EPDR1: variants seen among roughly 807,000 people sequenced by gnomAD.
The protein encoded by EPDR1 is ependymin related 1, also known as mammalian ependymin-related protein 1.
A neutral mutation model predicts 23.7 loss-of-function variants in EPDR1; 27 were observed. The ratio of observed to expected loss-of-function variants is 1.14; its 90% CI spans 0.84 to 1.57. The LOEUF is 1.57. Ranked by LOEUF, EPDR1 falls within the 40% of genes most tolerant of loss-of-function variation. The probability of loss-of-function intolerance (pLI) is 0.00; values close to 1 mark genes in which losing one functional copy is unlikely to be tolerated. For synonymous variants in EPDR1, 137 were observed against 118.2 expected (o/e 1.16, Z -1.03); for missense variants, 349 against 290.4 (o/e 1.20, Z -1.47).
chr7:37,941,927 G>A (rs1786178172), intron 1 of EPDR1, among the ~76,000 whole-genome samples: 1 of 152,098 alleles, frequency 6.6e-6, no homozygotes, highest in Admixed American at 6.5e-5. Context: ...GTAGAGAATT[G>A]TTGAGCCTAG....
intron 1 of EPDR1, among the ~76,000 whole-genome samples, chr7:37,928,060 G>A (rs545413464): frequency 5.8e-4 from 88 of 152,320 alleles, no homozygotes; most frequent in African/African-American, 2.0e-3. Flanking sequence ...GATGGGGAGG[G>A]AGAAGCAGGC....
intron 1 of EPDR1, among the ~76,000 whole-genome samples, chr7:37,938,862 A>G (rs1786111134): frequency 6.6e-6 from 1 of 152,184 alleles, no homozygotes; most frequent in African/African-American, 2.4e-5. Context: ...GAAATTTTTC[A>G]TTCAGAATTG....
At position 37,948,955 on chromosome 7, in the gene EPDR1, CA is replaced by C. The variant is rs1383887604; in HGVS notation, c.389del (p.Asn130ThrfsTer52). On this transcript the variant is annotated frameshift_variant, in exon 2 of 3. Transcript: ENST00000199448. LOFTEE classifies it high-confidence loss of function. ...GCCCTGGGATCCTCTTGACATTCCTCAAAACTCCACCTTTGAAGACCAGTAC... is the reference window on the plus strand; with the variant it reads ...GCCCTGGGATCCTCTTGACATTCCTCAAACTCCACCTTTGAAGACCAGTAC... ...TQPWDPLDIPQNSTFEDQYSI... is the reference protein window; with the variant it reads ...TQPWDPLDIPXNSTFEDQYSI... 6.2e-7 allele frequency: 1 copy of C among 1,614,156 alleles called. No individual in the cohort carries two copies. The highest frequency in any genetic ancestry group is 8.5e-7 in the Non-Finnish European group (1 of 1,180,004).
At position 37,921,018 on chromosome 7, in the gene EPDR1, C is replaced by G. The variant is rs987482671; in HGVS notation, c.79C>G (p.Leu27Val). ...GCTGGGCGGCCTCTGGGCCTGGACC[C>G]TGTGCGGCCTGTGCAGCCTGGGGGC... ...WLLGGLWAWT[L>V]CGLCSLGAVG... Residue 27 changes from leucine to valine, a missense_variant, in exon 1 of 3, where the codon CTG (leucine) becomes GTG (valine). Physicochemically the swap from Leu to Val is conservative, Grantham distance 32. Coordinates refer to ENST00000199448, the MANE Select transcript of EPDR1 (RefSeq NM_017549.5). 3.3e-6 allele frequency: 5 copies of G among 1,520,950 alleles called. No individual in the cohort carries two copies. In the African/African-American group the frequency reaches 6.9e-5, roughly 21 times the overall value. The allele number at this position is 1,520,950 out of a possible 1,614,324, so 94.2% of individuals were successfully genotyped here.
At chr7:37,944,582 C>T (rs546823813) in intron 1 of EPDR1, among the ~76,000 whole-genome samples, 7 of 152,280 alleles carry the variant, frequency 4.6e-5, no homozygotes, top group East Asian at 1.9e-4. Context: ...GGACTTCTTA[C>T]GTGGTGGCAG....
At chr7:37,922,940 G>C (rs1432521282) in intron 1 of EPDR1, among the ~76,000 whole-genome samples, 1 of 152,202 alleles carries the variant, frequency 6.6e-6, no homozygotes, top group Non-Finnish European at 1.5e-5. Flanking sequence ...CACCTGTACA[G>C]GTTTTCCAGG....
intron 1 of EPDR1, among the ~76,000 whole-genome samples, chr7:37,931,135 T>C (rs1460278835): frequency 2.0e-5 from 3 of 152,240 alleles, no homozygotes; most frequent in Middle Eastern, 3.2e-3. Flanking sequence ...TATTGCCATT[T>C]AAATAATGAT....
In EPDR1 at chr7:37,949,061, A is replaced by G. The variant is rs755188435; in HGVS notation, c.478+13A>G. On this transcript the variant is annotated intron_variant, in intron 2 of 2. Transcript: ENST00000199448. Reference sequence around the variant, plus strand: ...TCAGCTAGATCCTGTAAGGGTTCAAAGAATCTAAGCATTGTATTCAGCATG... The same window carrying G: ...TCAGCTAGATCCTGTAAGGGTTCAAGGAATCTAAGCATTGTATTCAGCATG... 1 of 1,612,396 alleles carries G rather than the reference A, an allele frequency of 6.2e-7. No homozygotes were observed. The highest frequency in any genetic ancestry group is 8.5e-7 in the Non-Finnish European group (1 of 1,178,390).
At chr7:37,948,550 G>A (rs1223383437) in intron 1 of EPDR1, among the ~76,000 whole-genome samples, 1 of 151,868 alleles carries the variant, frequency 6.6e-6, no homozygotes, top group Non-Finnish European at 1.5e-5. Flanking sequence ...GTCTCACTAT[G>A]TTGCCCAGGC....
intron 1 of EPDR1, among the ~76,000 whole-genome samples, chr7:37,935,539 T>C (rs1264761373): frequency 6.6e-6 from 1 of 152,168 alleles, no homozygotes; most frequent in Non-Finnish European, 1.5e-5. Context: ...TCTCTCCATA[T>C]GAGAAGTAGA....
intron 1 of EPDR1, 106 bp downstream of exon 1, chr7:37,921,314 T>C: frequency 7.0e-7 from 1 of 1,437,404 alleles, no homozygotes; most frequent in Non-Finnish European, 9.1e-7. Context: ...CCCTTGCAGC[T>C]CCTCCCTTCT....
chr7:37,945,070 G>A (rs1786246457), intron 1 of EPDR1, among the ~76,000 whole-genome samples: 1 of 152,178 alleles, frequency 6.6e-6, no homozygotes, highest in South Asian at 2.1e-4. Flanking sequence ...CACAGGACAG[G>A]ATTTGTGTAT....
Position 37,946,481 on chromosome 7 carries a change from A to C in EPDR1, c.270-2359A>C, listed in dbSNP as rs562422269. Among the ~76,000 whole-genome samples, 37 of 152,308 alleles carry C rather than the reference A, an allele frequency of 2.4e-4. 1 individual carries two copies. In the South Asian group the frequency reaches 7.5e-3, roughly 31 times the overall value. Reference sequence around the variant, plus strand: ...TTTGATGTGCATTTTTCTAATGATCAGTGATGTTGGGCTTTTTTTCCTATG... The same window carrying C: ...TTTGATGTGCATTTTTCTAATGATCCGTGATGTTGGGCTTTTTTTCCTATG... On this transcript the variant is annotated intron_variant, in intron 1 of 2. Transcript: ENST00000199448.
chr7:37,932,890 AG>A (rs1285173636), intron 1 of EPDR1, among the ~76,000 whole-genome samples: 1 of 152,230 alleles, frequency 6.6e-6, no homozygotes, highest in Non-Finnish European at 1.5e-5. Context: ...TGGGAAAAAA[AG>A]CTCTTCAATT....
At chr7:37,929,803 C>T (rs78233546) in intron 1 of EPDR1, among the ~76,000 whole-genome samples, 5,904 of 152,224 alleles carry the variant, frequency 0.039, 378 homozygotes, top group African/African-American at 0.13. Context: ...AAACTCCTTT[C>T]GCCCATGAGC....
At position 37,923,381 on chromosome 7, in the gene EPDR1, G is replaced by C. The variant is rs1412959465; in HGVS notation, c.269+2173G>C. 2.6e-5 allele frequency among the ~76,000 whole-genome samples: 4 copies of C among 152,200 alleles called. No homozygotes were observed. The East Asian group carries it at 7.7e-4, about 29-fold the overall frequency. On this transcript the variant is annotated intron_variant, in intron 1 of 2. Transcript: ENST00000199448. The stretch of plus-strand genomic sequence containing the variant: ...TGATTGGACGGGTTGTGGCAGGCGT[G>C]GTGAGGGAGAGGAAAACGTTAAAGA...
intron 1 of EPDR1, among the ~76,000 whole-genome samples, chr7:37,941,265 T>A (rs1486016061): frequency 6.6e-6 from 1 of 152,232 alleles, no homozygotes. Context: ...GGAAACGGAT[T>A]TGCCTAAAAC....
intron 1 of EPDR1, among the ~76,000 whole-genome samples, chr7:37,928,670 T>A (rs1785866804): frequency 6.6e-6 from 1 of 152,142 alleles, no homozygotes; most frequent in East Asian, 1.9e-4. Flanking sequence ...AACATGCTAG[T>A]CTTCTGGTTT....
At position 37,921,218 on chromosome 7, in the gene EPDR1, A is replaced by G. The variant is rs763726615; in HGVS notation, c.269+10A>G. 9 of 1,576,552 alleles carry G rather than the reference A, an allele frequency of 5.7e-6. No homozygotes were observed. The African/African-American group carries it at 1.1e-4, about 19-fold the overall frequency. ...TGATCCCCTGCAAGAGGTACAGGTC[A>G]TCGGCCCGCGGGGCGGGAGTAGGGA... On this transcript the variant is annotated intron_variant, in intron 1 of 2. Coordinates refer to ENST00000199448, the MANE Select transcript of EPDR1 (RefSeq NM_017549.5).
Sources: allele counts gnomAD v4.1 joint callset (sites outside exome capture counted in the v4.1 genomes callset), GRCh38; gene constraint gnomAD v4.1.1; transcripts MANE v1.5; gene names NCBI Gene and HGNC (gene_info 2026-07-23, HGNC 2026-07-21).